The following CEP164 variants were observed in gnomAD, a reference collection of about 807,000 sequenced individuals.
CEP164 encodes the protein centrosomal protein 164, also known as centrosomal protein of 164 kDa.
In CEP164, 162 loss-of-function variants were observed where a neutral mutation model predicts 182.7. The observed-to-expected ratio is 0.89, with a 90% CI of 0.78 to 1.01. The LOEUF (loss-of-function observed/expected upper bound fraction) is 1.01, where lower values mean the gene tolerates loss of function less well. Among genes scored for constraint, CEP164 ranks in the 50% least tolerant of loss-of-function variants. The pLI is 0.00. For missense variants in CEP164, 1,735 were observed against 1,790.4 expected, an observed-to-expected ratio of 0.97 and a Z score of 0.56; for synonymous variants, 661 against 690.0, an observed-to-expected ratio of 0.96 and a Z score of 0.66.
At chr11:117,372,508 C>T (rs530071306) in intron 9 of CEP164, among the ~76,000 whole-genome samples, 11 of 152,200 alleles carry the variant, frequency 7.2e-5, no homozygotes, top group Middle Eastern at 6.8e-3. Context: ...CTCCGCCTCC[C>T]GGGTTCAAGT....
intron 1 of CEP164, among the ~76,000 whole-genome samples, chr11:117,331,981 A>AAT (rs56696952): frequency 0.54 from 76,778 of 142,022 alleles, 20,628 homozygotes; most frequent in East Asian, 0.66. Flanking sequence ...ATGCCTGGCT[A>AAT]ATATATATAT....
Position 117,396,100 on chromosome 11 carries a change from G to A in CEP164, c.3136G>A (p.Val1046Met). The change falls in exon 25 of 33, where the codon GTG becomes ATG. Residue 1046 changes from valine (V) to methionine (M), a missense_variant. Physicochemically the swap from Val to Met is conservative, Grantham distance 21. Transcript: ENST00000278935. ...AQKKQHLLRE[V>M]TVEENNASPH... ...AAAGAAGCAGCACCTGTTGAGAGAA[G>A]TGACAGTTGAGGAAAATAATGCTTC... 6.2e-7 allele frequency: 1 copy of A among 1,613,354 alleles called. No individual in the cohort carries two copies. Among genetic ancestry groups the A allele is most frequent in the Non-Finnish European group, 8.5e-7 (1 of 1,179,554 alleles).
chr11:117,367,086 C>T (rs2041715863), intron 8 of CEP164, among the ~76,000 whole-genome samples: 1 of 152,184 alleles, frequency 6.6e-6, no homozygotes, highest in African/African-American at 2.4e-5. Flanking sequence ...GCCTGCATTT[C>T]CCACAGAGCC....
At chr11:117,345,508 A>G (rs184964322) in intron 4 of CEP164, among the ~76,000 whole-genome samples, 6 of 152,220 alleles carry the variant, frequency 3.9e-5, no homozygotes, top group Non-Finnish European at 5.9e-5. Flanking sequence ...CAGGTATCTT[A>G]GGGGTCCCCT....
At position 117,412,393 on chromosome 11, in the gene CEP164, T is replaced by G; in HGVS notation, c.*225T>G. 2.4e-6 allele frequency: 1 copy of G among 416,228 alleles called. No individual in the cohort carries two copies. The highest frequency in any genetic ancestry group is 4.3e-6 in the Non-Finnish European group (1 of 230,434). 25.8% of individuals were successfully genotyped at this position (416,228 alleles called of 1,614,324 possible). A position where few individuals can be genotyped will look rare whatever the true frequency, so the allele number is the denominator to read the frequency against. On this transcript the variant is annotated 3_prime_UTR_variant, in exon 33 of 33. Transcript: ENST00000278935. ...GTGGACTCGTACGAGCTCTTGTCATTGACATGGCAAGCTGATGGCGTGCGG... is the reference window on the plus strand; with the variant it reads ...GTGGACTCGTACGAGCTCTTGTCATGGACATGGCAAGCTGATGGCGTGCGG...
At chr11:117,377,598 C>G (rs895026759) in intron 11 of CEP164, among the ~76,000 whole-genome samples, 25 of 152,318 alleles carry the variant, frequency 1.6e-4, no homozygotes, top group African/African-American at 5.8e-4. Context: ...ATCTTCTGTT[C>G]TTCCTGTGCG....
chr11:117,369,680 T>C (rs926417288), intron 8 of CEP164, among the ~76,000 whole-genome samples: 5 of 151,794 alleles, frequency 3.3e-5, no homozygotes, highest in Admixed American at 6.5e-5. Context: ...TTGGAAGTTA[T>C]TCAGTCTGGC....
intron 5 of CEP164, among the ~76,000 whole-genome samples, chr11:117,361,233 CTTTTTTTTTTTT>C (rs71469129): frequency 3.3e-5 from 3 of 90,196 alleles, no homozygotes; most frequent in Non-Finnish European, 6.5e-5. Flanking sequence ...CTGCGCCTGG[CTTTTTTTTTTTT>C]TTTTTTTTTT....
chr11:117,359,549 C>T (rs2040700874), intron 5 of CEP164: 2 of 985,338 alleles, frequency 2.0e-6, no homozygotes, highest in South Asian at 4.7e-5. Context: ...GGCCCCTAGG[C>T]TGAGGCTACA....
At chr11:117,322,488 G>A (rs770434789) in intron 1 of CEP164, among the ~76,000 whole-genome samples, 15 of 152,152 alleles carry the variant, frequency 9.9e-5, no homozygotes, top group African/African-American at 3.1e-4. Context: ...GAAATATACC[G>A]TATCAGTGTT....
In CEP164 at chr11:117,373,791, C is replaced by T. The variant is rs753347788; in HGVS notation, c.1193C>T (p.Ser398Leu). The change falls in exon 10 of 33, where the codon TCA (serine) becomes TTA (leucine). Residue 398 changes from serine to leucine, a missense_variant. Transcript: ENST00000278935. Reference protein sequence around the residue: ...ISEHMKEPQLSDSIASDPKSF... With the variant: ...ISEHMKEPQLLDSIASDPKSF... ...GAACACATGAAGGAACCACAGCTCT[C>T]AGACTCCATAGCTTCTGACCCCAAG... 2.5e-6 allele frequency: 4 copies of T among 1,614,084 alleles called. No homozygotes were observed. The highest frequency in any genetic ancestry group is 3.4e-6 in the Non-Finnish European group (4 of 1,180,032).
At position 117,394,225 on chromosome 11, in the gene CEP164, G is replaced by A; in HGVS notation, c.2617-125G>A. The stretch of plus-strand genomic sequence containing the variant: ...GTAACCCTCCTCTTCTCCAAGAGCT[G>A]GCTTTAGGGAGCCGATGGTGTCCCT... On this transcript the variant is annotated intron_variant, in intron 20 of 32. Transcript: ENST00000278935. This position sits in a 1 kb window ranked among gnomAD's most constrained non-coding sequence, Gnocchi z 4.0. The A allele has an allele frequency of 1.5e-6, 2 of 1,291,872 alleles. No individual in the cohort carries two copies. The highest frequency in any genetic ancestry group is 2.1e-6 in the Non-Finnish European group (2 of 938,970). The allele number at this position is 1,291,872 out of a possible 1,614,324, so 80.0% of individuals were successfully genotyped here.
intron 28 of CEP164, 85 bp downstream of exon 28, chr11:117,408,117 T>C: frequency 9.7e-7 from 1 of 1,034,764 alleles, no homozygotes; most frequent in South Asian, 1.4e-5. Flanking sequence ...TGGTCCTGCA[T>C]CCGGGGGAGT....
chr11:117,392,627 G>A lies in CEP164; in HGVS notation c.2493G>A (p.Glu831=). Residue 831 remains glutamate, a splice_region_variant and synonymous_variant, in exon 19 of 33, where the codon GAG becomes GAA. Coordinates refer to ENST00000278935, the MANE Select transcript of CEP164 (RefSeq NM_014956.5). ...KSYHVAGYEH[E]LSSLLREKRQ... ...ATCACGTGGCTGGGTATGAGCACGA[G>A]GTGAGTGCTGCTCTGTCTTCCACAG... 1.2e-6 allele frequency: 2 copies of A among 1,613,782 alleles called. No homozygotes were observed. Among genetic ancestry groups the A allele is most frequent in the Non-Finnish European group, 1.7e-6 (2 of 1,179,870 alleles).
intron 15 of CEP164, among the ~76,000 whole-genome samples, chr11:117,388,646 A>G (rs2136273604): frequency 6.6e-6 from 1 of 152,204 alleles, no homozygotes; most frequent in Middle Eastern, 3.4e-3. Flanking sequence ...TTGGACTTAA[A>G]ACTTCTAAAG....
chr11:117,387,340 T>G lies in CEP164; in HGVS notation c.1862T>G (p.Leu621Arg). ...LESKQEKMQQ[L>R]REKLCQEEEE... ...TCCAAGCAAGAGAAGATGCAGCAAC[T>G]GCGGGAGAAGCTGTGCCAAGAGGAG... The change falls in exon 15 of 33, where the codon CTG (leucine) becomes CGG (arginine). Residue 621 changes from leucine to arginine, a missense_variant. By Grantham distance (102) the Leu-to-Arg change is moderately radical (BLOSUM62 -2). Transcript: ENST00000278935. 1 of 1,614,146 alleles carries G rather than the reference T, an allele frequency of 6.2e-7. No homozygotes were observed. The highest frequency in any genetic ancestry group is 8.5e-7 in the Non-Finnish European group (1 of 1,180,026).
At chr11:117,343,700 G>A (rs966676945) in intron 3 of CEP164, among the ~76,000 whole-genome samples, 1 of 146,794 alleles carries the variant, frequency 6.8e-6, no homozygotes, top group South Asian at 2.1e-4. Flanking sequence ...GCGTGATCTC[G>A]GCTCACTGCA....
chr11:117,374,491 C>T (rs2042535400), intron 10 of CEP164, among the ~76,000 whole-genome samples: 1 of 152,112 alleles, frequency 6.6e-6, no homozygotes, highest in African/African-American at 2.4e-5. Flanking sequence ...CAGGGATGAA[C>T]AGTAATGATA....
At chr11:117,324,461 G>T (rs994435144), upstream of CEP164, among the ~76,000 whole-genome samples, 1 of 150,388 alleles carries the variant, frequency 6.6e-6, no homozygotes, top group Admixed American at 6.6e-5. Flanking sequence ...AAAAAAATTT[G>T]TGTGTCATTT....
Sources: gnomAD v4.1 joint callset for allele counts (sites outside exome capture counted in the v4.1 genomes callset) on GRCh38, gnomAD v4.1.1 for gene constraint, Gnocchi (gnomAD v3.1) non-coding constraint, MANE v1.5 for transcripts, NCBI Gene and HGNC (gene_info 2026-07-23, HGNC 2026-07-21) for gene names.